Variants in APAF1 observed in about 807,000 individuals in gnomAD.
The protein encoded by APAF1 is apoptotic peptidase activating factor 1.
A neutral mutation model predicts 152.4 loss-of-function variants in APAF1; 91 were observed. The observed-to-expected ratio is 0.60, with a 90% CI of 0.50 to 0.71. The LOEUF (loss-of-function observed/expected upper bound fraction) is 0.71. Ranked by LOEUF, APAF1 falls within the 30% of genes least tolerant of loss-of-function variation. APAF1 has a pLI of 0.00. For synonymous variants in APAF1, 484 were observed against 494.1 expected (o/e 0.98, Z 0.27); for missense variants, 1,283 against 1,472.0 (o/e 0.87, Z 2.10).
chr12:98,730,308 T>G (rs1247058067), intron 26 of APAF1, among the ~76,000 whole-genome samples: 1 of 152,212 alleles, frequency 6.6e-6, no homozygotes, highest in Non-Finnish European at 1.5e-5. Flanking sequence ...GGAGAGTCAT[T>G]GCTGTCTGTG....
intron 22 of APAF1, among the ~76,000 whole-genome samples, chr12:98,717,367 CAT>C (rs887406936): frequency 2.6e-5 from 4 of 151,100 alleles, no homozygotes; most frequent in Non-Finnish European, 5.9e-5. Flanking sequence ...CACACACACA[CAT>C]ATAATTTTTT....
intron 26 of APAF1, among the ~76,000 whole-genome samples, chr12:98,731,837 T>G (rs930250456): frequency 3.3e-5 from 5 of 152,228 alleles, no homozygotes; most frequent in Admixed American, 2.0e-4. Flanking sequence ...AGGAAGGACT[T>G]GGCTACAGCC....
At chr12:98,710,169 C>G (rs559259505) in intron 20 of APAF1, among the ~76,000 whole-genome samples, 11 of 148,570 alleles carry the variant, frequency 7.4e-5, no homozygotes, top group Non-Finnish European at 1.3e-4. Context: ...CCACCGTGCC[C>G]GGCCTAAGGG....
chr12:98,700,502 AG>A (rs1334435054), intron 17 of APAF1, among the ~76,000 whole-genome samples: 1 of 152,226 alleles, frequency 6.6e-6, no homozygotes, highest in Non-Finnish European at 1.5e-5. Context: ...CCCCTTTAGC[AG>A]GAAACTAAGA....
intron 10 of APAF1, among the ~76,000 whole-genome samples, chr12:98,669,299 G>A (rs935537989): frequency 1.3e-5 from 2 of 152,040 alleles, no homozygotes; most frequent in Non-Finnish European, 1.5e-5. Flanking sequence ...TAAAGCTTTT[G>A]ACATGTATGA....
intron 1 of APAF1, among the ~76,000 whole-genome samples, chr12:98,646,596 C>T (rs1288939327): frequency 6.6e-6 from 1 of 152,190 alleles, no homozygotes; most frequent in East Asian, 1.9e-4. Context: ...TGAATTATTT[C>T]AGGCAAATGA....
chr12:98,663,607 A>T (rs759299029), intron 7 of APAF1, among the ~76,000 whole-genome samples: 16 of 152,114 alleles, frequency 1.1e-4, no homozygotes, highest in Non-Finnish European at 8.8e-5. Context: ...CAACTCTTAA[A>T]ATTATTTCTT....
At chr12:98,679,203 C>T (rs1320269505) in intron 13 of APAF1, among the ~76,000 whole-genome samples, 1 of 152,190 alleles carries the variant, frequency 6.6e-6, no homozygotes, top group Non-Finnish European at 1.5e-5. Context: ...GCTGAGCAGA[C>T]ACTGGGACAA....
chr12:98,659,171 G>C lies in APAF1; in HGVS notation c.538G>C (p.Gly180Arg), dbSNP rs755789982. Residue 180 changes from glycine to arginine, a missense_variant, in exon 5 of 27, where the codon GGG becomes CGG. Transcript: ENST00000551964. The part of the protein sequence containing the change: ...DHSLLEGCFP[G>R]GVHWVSVGKQ... Reference sequence around the variant, plus strand: ...CTTTCCCTCACTAGGTTGTTTCCCAGGGGGAGTGCATTGGGTTTCAGTTGG... The same window carrying C: ...CTTTCCCTCACTAGGTTGTTTCCCACGGGGAGTGCATTGGGTTTCAGTTGG... 3.7e-6 allele frequency: 6 copies of C among 1,614,176 alleles called. No homozygotes were observed. Among genetic ancestry groups the C allele is most frequent in the Non-Finnish European group, 5.1e-6 (6 of 1,180,006 alleles).
intron 24 of APAF1, among the ~76,000 whole-genome samples, chr12:98,724,835 G>T (rs1020885994): frequency 2.6e-5 from 4 of 152,050 alleles, no homozygotes; most frequent in African/African-American, 9.7e-5. Context: ...TTGGAACTTG[G>T]TAGTTTTCAG....
chr12:98,723,061 T>C, intron 22 of APAF1, 132 bp from the exon 23 acceptor site: 1 of 929,784 alleles, frequency 1.1e-6, no homozygotes, highest in Non-Finnish European at 1.7e-6. Context: ...GTCTTCTCTC[T>C]TATTCCTCTC....
At chr12:98,674,177 A>C (rs184085462) in intron 12 of APAF1, among the ~76,000 whole-genome samples, 1 of 152,120 alleles carries the variant, frequency 6.6e-6, no homozygotes, top group African/African-American at 2.4e-5. Context: ...TTTTTTGTAG[A>C]GATAAGGTCT....
intron 5 of APAF1, among the ~76,000 whole-genome samples, chr12:98,659,676 C>T (rs1219925039): frequency 7.1e-6 from 1 of 140,868 alleles, no homozygotes; most frequent in Non-Finnish European, 1.5e-5. Flanking sequence ...CGCTTGAACC[C>T]GGGAGGCAGA....
intron 10 of APAF1, among the ~76,000 whole-genome samples, chr12:98,669,699 G>C (rs1456408240): frequency 6.6e-6 from 1 of 152,074 alleles, no homozygotes; most frequent in Non-Finnish European, 1.5e-5. Context: ...TATTTTCTTA[G>C]GATACTTTTT....
chr12:98,671,814 T>A (rs1337890464), intron 12 of APAF1, 95 bp downstream of exon 12: 2 of 1,241,300 alleles, frequency 1.6e-6, no homozygotes, highest in African/African-American at 1.5e-5. Flanking sequence ...AGGATTTAAC[T>A]ACTTTCGAAA....
chr12:98,695,200 G>A (rs1032999243), intron 16 of APAF1, among the ~76,000 whole-genome samples: 3 of 151,796 alleles, frequency 2.0e-5, no homozygotes, highest in Non-Finnish European at 4.4e-5. Context: ...TTACAGGCAC[G>A]CACCACCACA....
At position 98,734,464 on chromosome 12, in the gene APAF1, T is replaced by C. The variant is rs151008594; in HGVS notation, c.*1898T>C. The C allele has an allele frequency of 3.3e-3, 496 of 152,476 alleles. 5 individuals carry two copies. The highest frequency in any genetic ancestry group is 0.012 in the African/African-American group (479 of 41,582). The allele number at this position is 152,476 out of a possible 1,614,324, so 9.4% of individuals were successfully genotyped here. The stretch of plus-strand genomic sequence containing the variant: ...TATAATCAAAATTCAAAGATTTTTT[T>C]TGTTTCTGTAACTGGAACTAAATCA... On this transcript the variant is annotated 3_prime_UTR_variant, in exon 27 of 27. Coordinates refer to ENST00000551964, the MANE Select transcript of APAF1 (RefSeq NM_181861.2).
chr12:98,672,893 T>C (rs1382841558), intron 12 of APAF1, among the ~76,000 whole-genome samples: 1 of 151,940 alleles, frequency 6.6e-6, no homozygotes, highest in Non-Finnish European at 1.5e-5. Flanking sequence ...TAGCTGGAAT[T>C]ACAGGCATAT....
intron 16 of APAF1, among the ~76,000 whole-genome samples, chr12:98,695,971 G>A (rs2097709424): frequency 6.6e-6 from 1 of 152,134 alleles, no homozygotes; most frequent in East Asian, 1.9e-4. Context: ...CCTATTACTT[G>A]CCTTTCTGCT....
Sources: allele counts gnomAD v4.1 joint callset (sites outside exome capture counted in the v4.1 genomes callset), GRCh38; gene constraint gnomAD v4.1.1; transcripts MANE v1.5; gene names NCBI Gene and HGNC (gene_info 2026-07-23, HGNC 2026-07-21).